The following BAZ2B variants were observed in gnomAD, a reference collection of about 807,000 sequenced individuals.
BAZ2B encodes the protein bromodomain adjacent to zinc finger domain protein 2B.
Under a neutral mutation model 246.0 loss-of-function variants are expected in BAZ2B, and 91 were observed. The observed-to-expected ratio is 0.37, with a 90% CI of 0.31 to 0.44. The LOEUF (loss-of-function observed/expected upper bound fraction) is 0.44. Ranked by LOEUF, BAZ2B falls within the 20% of genes least tolerant of loss-of-function variation. The pLI, the probability that BAZ2B is intolerant of heterozygous loss-of-function variation, is 1.00. For missense variants in BAZ2B, 2,332 were observed against 2,533.7 expected, an observed-to-expected ratio of 0.92 and a Z score of 1.71; for synonymous variants, 855 against 860.0, an observed-to-expected ratio of 0.99 and a Z score of 0.10.
At chr2:159,467,049 C>T (rs1030828841) in intron 3 of BAZ2B, among the ~76,000 whole-genome samples, 3 of 152,072 alleles carry the variant, frequency 2.0e-5, no homozygotes, top group Non-Finnish European at 4.4e-5. Context: ...GAAGAATCAG[C>T]TTTATGAAGA....
intron 36 of BAZ2B, among the ~76,000 whole-genome samples, chr2:159,323,739 G>C (rs2063047346): frequency 6.6e-6 from 1 of 150,686 alleles, no homozygotes; most frequent in African/African-American, 2.4e-5. Context: ...GGGAGGCAGA[G>C]ATTGCAGTGA....
At chr2:159,555,566 T>G (rs2088998043) in intron 2 of BAZ2B, 1 of 152,212 alleles carries the variant, frequency 6.6e-6, no homozygotes, top group Non-Finnish European at 1.5e-5. Context: ...AATAATTTAG[T>G]ATATTTAGGC....
chr2:159,510,269 A>G (rs1212646580), intron 2 of BAZ2B, among the ~76,000 whole-genome samples: 1 of 151,974 alleles, frequency 6.6e-6, no homozygotes, highest in African/African-American at 2.4e-5. Flanking sequence ...TGCAGCCTCA[A>G]CCTCCTGTGT....
the BAZ2B span, among the ~76,000 whole-genome samples, chr2:159,678,705 G>A: frequency 1.3e-5 from 2 of 152,052 alleles, no homozygotes; most frequent in Non-Finnish European, 2.9e-5. Context: ...CTGATGGTGG[G>A]GGAGGCAAAT....
intron 33 of BAZ2B, among the ~76,000 whole-genome samples, chr2:159,336,204 C>A (rs764742209): frequency 8.5e-5 from 13 of 152,054 alleles, no homozygotes; most frequent in Non-Finnish European, 2.9e-5. Context: ...TAAAAGACTA[C>A]ATATAATAGA....
chr2:159,676,158 G>A, the BAZ2B span, among the ~76,000 whole-genome samples: 1 of 151,884 alleles, frequency 6.6e-6, no homozygotes, highest in East Asian at 1.9e-4. Flanking sequence ...CTCCCAAAGC[G>A]CTGGGATTAC....
the BAZ2B span, among the ~76,000 whole-genome samples, chr2:159,648,950 C>T: frequency 5.9e-5 from 9 of 152,126 alleles, no homozygotes; most frequent in South Asian, 6.2e-4. Flanking sequence ...TGAATAAGTA[C>T]TCCACATATC....
intron 33 of BAZ2B, among the ~76,000 whole-genome samples, chr2:159,334,749 A>G (rs1465270582): frequency 1.3e-5 from 2 of 152,250 alleles, no homozygotes; most frequent in African/African-American, 2.4e-5. Flanking sequence ...AGATTGCAGA[A>G]TTTAAATATA....
At chr2:159,584,305 A>G (rs1307751563) in intron 1 of BAZ2B, among the ~76,000 whole-genome samples, 1 of 152,134 alleles carries the variant, frequency 6.6e-6, no homozygotes, top group Admixed American at 6.6e-5. Flanking sequence ...TATTTTTAGC[A>G]GAGACGCGGT....
At chr2:159,510,147 G>C (rs2082767229) in intron 2 of BAZ2B, among the ~76,000 whole-genome samples, 2 of 152,072 alleles carry the variant, frequency 1.3e-5, no homozygotes, top group Admixed American at 1.3e-4. Context: ...AGGAGATGGG[G>C]GATGGTGAGG....
downstream of BAZ2B, among the ~76,000 whole-genome samples, chr2:159,316,978 G>A (rs1417473785): frequency 6.6e-6 from 1 of 150,804 alleles, no homozygotes; most frequent in Non-Finnish European, 1.5e-5. Context: ...TCCAGCCTGG[G>A]CGACCGAGCA....
intron 3 of BAZ2B, among the ~76,000 whole-genome samples, chr2:159,456,349 A>G (rs966349511): frequency 2.6e-5 from 4 of 152,110 alleles, no homozygotes; most frequent in African/African-American, 9.7e-5. Flanking sequence ...TTAGATGCAT[A>G]GTTACAGCAT....
the BAZ2B span, among the ~76,000 whole-genome samples, chr2:159,683,658 C>A: frequency 6.6e-6 from 1 of 152,198 alleles, no homozygotes. Context: ...GTTAACAGGG[C>A]TGGTTCCTTC....
At chr2:159,528,487 A>G (rs2084995220) in intron 2 of BAZ2B, among the ~76,000 whole-genome samples, 1 of 152,142 alleles carries the variant, frequency 6.6e-6, no homozygotes, top group Non-Finnish European at 1.5e-5. Flanking sequence ...GTTTGAGACC[A>G]GCCTGGCCAA....
chr2:159,355,125 G>T lies in BAZ2B; in HGVS notation c.4214-4768C>A, dbSNP rs560750512. Among the ~76,000 whole-genome samples the T allele has an allele frequency of 2.6e-5, 4 of 152,234 alleles. No individual in the cohort carries two copies. The East Asian group carries it at 7.7e-4, about 29-fold the overall frequency. On this transcript the variant is annotated intron_variant, in intron 27 of 36. Transcript: ENST00000392783. The stretch of plus-strand genomic sequence containing the variant: ...ACTGAAGCAAGCTAAAACTTTCAGA[G>T]AGTTTTTACTAAACTCTAAGTGAAA...
intron 3 of BAZ2B, among the ~76,000 whole-genome samples, chr2:159,470,130 GC>G (rs2077595668): frequency 6.6e-6 from 1 of 152,094 alleles, no homozygotes. Flanking sequence ...TGCAAGATTG[GC>G]TTAACTATAA....
chr2:159,653,927 C>T, the BAZ2B span, among the ~76,000 whole-genome samples: 1 of 152,080 alleles, frequency 6.6e-6, no homozygotes, highest in Non-Finnish European at 1.5e-5. Context: ...ACTAGATAAT[C>T]TCAAATTCTT....
chr2:159,551,847 G>C (rs1018078941), intron 2 of BAZ2B, among the ~76,000 whole-genome samples: 9 of 152,036 alleles, frequency 5.9e-5, no homozygotes, highest in African/African-American at 1.9e-4. Context: ...TATGATGAGG[G>C]TAAGAAAAGT....
At chr2:159,540,628 T>C (rs17423844) in intron 2 of BAZ2B, among the ~76,000 whole-genome samples, 5,495 of 152,292 alleles carry the variant, frequency 0.036, 150 homozygotes, top group Non-Finnish European at 0.052. Context: ...AGTATTGTAG[T>C]AAAAACAGCA....
Sources: allele counts gnomAD v4.1 joint callset (sites outside exome capture counted in the v4.1 genomes callset), GRCh38; gene constraint gnomAD v4.1.1; transcripts MANE v1.5; gene names NCBI Gene and HGNC (gene_info 2026-07-23, HGNC 2026-07-21).